Variants in TAFA1 observed in about 807,000 individuals in gnomAD.
TAFA1 encodes the protein chemokine-like protein TAFA-1.
A neutral mutation model predicts 18.5 loss-of-function variants in TAFA1; 4 were observed. The ratio of observed to expected loss-of-function variants is 0.22; its 90% CI spans 0.11 to 0.49. The LOEUF is 0.49. TAFA1 is among the 20% of genes least tolerant of loss of function. The pLI is 0.98. For missense variants in TAFA1, 147 were observed against 169.0 expected (o/e 0.87, Z 0.72); for synonymous variants, 56 against 55.2 (o/e 1.01, Z -0.06).
chr3:68,386,309 A>T (rs2070102660), intron 2 of TAFA1, among the ~76,000 whole-genome samples: 2 of 152,186 alleles, frequency 1.3e-5, no homozygotes, highest in Admixed American at 6.6e-5. Flanking sequence ...ATGACACTAC[A>T]GTTCACAATC....
In TAFA1 at chr3:68,356,262, T is replaced by A. The variant is rs118070449; in HGVS notation, c.119-61018T>A. ...GACTCCATGATTTCAGGCTTATGCATGGCCCCAGGAAAAGCACTGTCCCTC... is the reference window on the plus strand; with the variant it reads ...GACTCCATGATTTCAGGCTTATGCAAGGCCCCAGGAAAAGCACTGTCCCTC... On this transcript the variant is annotated intron_variant, in intron 2 of 4. Transcript: ENST00000478136. Among the ~76,000 whole-genome samples the A allele has an allele frequency of 1.4e-4, 22 of 152,010 alleles. No individual in the cohort carries two copies. In the East Asian group the frequency reaches 3.9e-3, roughly 27 times the overall value.
At chr3:68,170,408 A>G (rs2066037965) in intron 2 of TAFA1, among the ~76,000 whole-genome samples, 1 of 152,208 alleles carries the variant, frequency 6.6e-6, no homozygotes, top group African/African-American at 2.4e-5. Context: ...GTGTTTGTCA[A>G]AAATAATCAA....
chr3:68,420,064 C>G (rs2070924903), intron 3 of TAFA1, among the ~76,000 whole-genome samples: 1 of 152,156 alleles, frequency 6.6e-6, no homozygotes, highest in Non-Finnish European at 1.5e-5. Context: ...TAATCTCTCT[C>G]AGCATGATTG....
At chr3:68,370,315 A>AT (rs2069659405) in intron 2 of TAFA1, among the ~76,000 whole-genome samples, 1 of 45,432 alleles carries the variant, frequency 2.2e-5, no homozygotes, top group African/African-American at 9.3e-5. Context: ...AAAAAAAAAA[A>AT]AAAAAAATAT....
chr3:68,323,520 G>T lies in TAFA1; in HGVS notation c.119-93760G>T, dbSNP rs79246321. On this transcript the variant is annotated intron_variant, in intron 2 of 4. Coordinates refer to ENST00000478136, the MANE Select transcript of TAFA1 (RefSeq NM_213609.4). Reference sequence around the variant, plus strand: ...GTGATTGACAATTCTCTGCCCAAAAGGTTTTGAACGGACTGTCCTCGTATG... The same window carrying T: ...GTGATTGACAATTCTCTGCCCAAAATGTTTTGAACGGACTGTCCTCGTATG... Among the ~76,000 whole-genome samples, 10 of 152,278 alleles carry T rather than the reference G, an allele frequency of 6.6e-5. No individual in the cohort carries two copies. The East Asian group carries it at 1.7e-3, about 26-fold the overall frequency.
intron 2 of TAFA1, among the ~76,000 whole-genome samples, chr3:68,087,114 A>G (rs1274292075): frequency 1.3e-5 from 2 of 152,202 alleles, no homozygotes; most frequent in African/African-American, 4.8e-5. Context: ...CTTAGTTACC[A>G]TTGGATACCT....
intron 2 of TAFA1, among the ~76,000 whole-genome samples, chr3:68,151,318 T>C (rs1461102102): frequency 6.6e-6 from 1 of 152,176 alleles, no homozygotes; most frequent in Admixed American, 6.5e-5. Flanking sequence ...ATTGACAATG[T>C]CCTAAGTGGC....
chr3:68,076,999 T>A lies in TAFA1; in HGVS notation c.118+70255T>A, dbSNP rs1351376946. On this transcript the variant is annotated intron_variant, in intron 2 of 4. Coordinates refer to ENST00000478136, the MANE Select transcript of TAFA1 (RefSeq NM_213609.4). The stretch of plus-strand genomic sequence containing the variant: ...TTCCTGACTTTTTAATGATTGCCAT[T>A]CTCACTGGTGTGAGATGGTATCTCA... Among the ~76,000 whole-genome samples the A allele has an allele frequency of 3.9e-5, 6 of 152,098 alleles. No homozygotes were observed. The East Asian group carries it at 5.8e-4, about 15-fold the overall frequency.
chr3:67,996,777 G>A, the TAFA1 span, among the ~76,000 whole-genome samples: 2 of 147,342 alleles, frequency 1.4e-5, no homozygotes, highest in African/African-American at 5.1e-5. Context: ...TTGGGCAACA[G>A]AGCAAAACTC....
intron 2 of TAFA1, among the ~76,000 whole-genome samples, chr3:68,287,793 G>A (rs1183116470): frequency 6.6e-6 from 1 of 151,710 alleles, no homozygotes; most frequent in African/African-American, 2.4e-5. Context: ...CCCGAAGCAA[G>A]GCCCATTTGT....
At chr3:68,355,538 T>A (rs1020974176) in intron 2 of TAFA1, among the ~76,000 whole-genome samples, 5 of 151,994 alleles carry the variant, frequency 3.3e-5, no homozygotes, top group African/African-American at 1.2e-4. Context: ...TGCATACTAA[T>A]GATTATTACT....
intron 2 of TAFA1, among the ~76,000 whole-genome samples, chr3:68,383,926 A>G (rs182458990): frequency 6.6e-6 from 1 of 152,140 alleles, no homozygotes; most frequent in East Asian, 1.9e-4. Flanking sequence ...ATGTCCAGGA[A>G]TTTATTCATT....
chr3:68,003,136 A>T (rs77302738), upstream of TAFA1, among the ~76,000 whole-genome samples: 9,218 of 152,292 alleles, frequency 0.061, 507 homozygotes, highest in African/African-American at 0.15. Context: ...TAAGATTTAG[A>T]GAACAGTTGT....
At chr3:68,224,755 C>A (rs569052104) in intron 2 of TAFA1, among the ~76,000 whole-genome samples, 3 of 152,148 alleles carry the variant, frequency 2.0e-5, no homozygotes, top group African/African-American at 7.2e-5. Flanking sequence ...TTCTAAAATA[C>A]TTTTAGCTCA....
At chr3:68,239,599 C>G (rs1244163170) in intron 2 of TAFA1, among the ~76,000 whole-genome samples, 1 of 152,138 alleles carries the variant, frequency 6.6e-6, no homozygotes, top group Non-Finnish European at 1.5e-5. Context: ...GAAGAAGGGT[C>G]TATGCTTATT....
At chr3:68,348,071 A>T (rs923534221) in intron 2 of TAFA1, among the ~76,000 whole-genome samples, 1 of 152,068 alleles carries the variant, frequency 6.6e-6, no homozygotes, top group African/African-American at 2.4e-5. Flanking sequence ...TTATCTGTAA[A>T]GCAGACACTC....
chr3:68,269,895 T>A (rs1437446096), intron 2 of TAFA1, among the ~76,000 whole-genome samples: 2 of 152,236 alleles, frequency 1.3e-5, no homozygotes, highest in Non-Finnish European at 2.9e-5. Context: ...TATGACTCTA[T>A]GCATGTTGTA....
intron 2 of TAFA1, among the ~76,000 whole-genome samples, chr3:68,233,580 C>T (rs1386982655): frequency 2.0e-5 from 3 of 152,050 alleles, no homozygotes; most frequent in African/African-American, 4.8e-5. Context: ...CCTTTTTGCT[C>T]AATGTTGCTT....
chr3:68,443,485 A>AC (rs796110880), intron 3 of TAFA1, among the ~76,000 whole-genome samples: 43 of 151,222 alleles, frequency 2.8e-4, no homozygotes, highest in African/African-American at 1.0e-3. Flanking sequence ...AAAAAAAAAA[A>AC]AAAAAAAAAA....
Sources: allele counts gnomAD v4.1 joint callset (sites outside exome capture counted in the v4.1 genomes callset), GRCh38; gene constraint gnomAD v4.1.1; transcripts MANE v1.5; gene names NCBI Gene and HGNC (gene_info 2026-07-23, HGNC 2026-07-21).